Variants in FAT3 observed in about 807,000 individuals in gnomAD.
FAT3 encodes protocadherin Fat 3.
In FAT3, 95 loss-of-function variants were observed where a neutral mutation model predicts 310.2. The ratio of observed to expected loss-of-function variants is 0.31; its 90% CI spans 0.26 to 0.36. The LOEUF (loss-of-function observed/expected upper bound fraction) is 0.36, where lower values mean the gene tolerates loss of function less well. Ranked by LOEUF, FAT3 falls within the 10% of genes least tolerant of loss-of-function variation. The pLI, the probability that FAT3 is intolerant of heterozygous loss-of-function variation, is 1.00. For synonymous variants in FAT3, 2,314 were observed against 2,192.9 expected (o/e 1.06, Z -1.54); for missense variants, 5,408 against 5,715.6 (o/e 0.95, Z 1.74).
At chr11:92,601,703 G>A (rs550155424) in intron 3 of FAT3, among the ~76,000 whole-genome samples, 2 of 152,286 alleles carry the variant, frequency 1.3e-5, no homozygotes, top group East Asian at 3.9e-4. Flanking sequence ...GCATAAATGT[G>A]TGGAATTTTA....
At chr11:92,695,019 G>A (rs567038) in intron 3 of FAT3, among the ~76,000 whole-genome samples, 21,479 of 152,116 alleles carry the variant, frequency 0.14, 1,638 homozygotes, top group Non-Finnish European at 0.16. Flanking sequence ...GACTCAGAGC[G>A]ATGTGCTGCC....
intron 2 of FAT3, among the ~76,000 whole-genome samples, chr11:92,452,856 C>T (rs1951397039): frequency 6.6e-6 from 1 of 152,096 alleles, no homozygotes; most frequent in African/African-American, 2.4e-5. Flanking sequence ...TTGACCTTCT[C>T]CCCACAACCT....
intron 1 of FAT3, among the ~76,000 whole-genome samples, chr11:92,269,951 C>A (rs1055625064): frequency 6.6e-6 from 1 of 152,004 alleles, no homozygotes; most frequent in African/African-American, 2.4e-5. Flanking sequence ...TTTTTAAATG[C>A]GTTAAGTTAT....
At chr11:92,744,257 T>C (rs1945587673) in intron 4 of FAT3, among the ~76,000 whole-genome samples, 1 of 152,214 alleles carries the variant, frequency 6.6e-6, no homozygotes, top group African/African-American at 2.4e-5. Flanking sequence ...TCATAATACC[T>C]AGAGAAGGAA....
At chr11:92,505,919 C>T (rs1309638924) in intron 2 of FAT3, among the ~76,000 whole-genome samples, 1 of 152,110 alleles carries the variant, frequency 6.6e-6, no homozygotes, top group Non-Finnish European at 1.5e-5. Context: ...GAAGGATCCT[C>T]TCTGCCCTGG....
At chr11:92,243,945 G>A (rs1841032) in intron 1 of FAT3, among the ~76,000 whole-genome samples, 96,877 of 151,942 alleles carry the variant, frequency 0.64, 31,965 homozygotes, top group African/African-American at 0.82. Context: ...AAGAACATCC[G>A]AATAAATTTA....
chr11:92,226,948 G>A (rs1271008074), intron 1 of FAT3, among the ~76,000 whole-genome samples: 1 of 152,118 alleles, frequency 6.6e-6, no homozygotes, highest in African/African-American at 2.4e-5. Context: ...TGTTTTCCAA[G>A]TTGGATCCCA....
intron 3 of FAT3, among the ~76,000 whole-genome samples, chr11:92,553,296 A>T (rs1954885186): frequency 6.6e-6 from 1 of 152,212 alleles, no homozygotes; most frequent in Non-Finnish European, 1.5e-5. Context: ...AAGTAATAAT[A>T]AGCCCAATAT....
chr11:92,716,753 CTATGATGTAGAAATGGAATCTAAAG>C (rs1944702681), intron 4 of FAT3, among the ~76,000 whole-genome samples: 1 of 152,096 alleles, frequency 6.6e-6, no homozygotes, highest in Non-Finnish European at 1.5e-5. Flanking sequence ...AGCCTAATTG[CTATGATGTAGAAATGGAATCTAAAG>C]AGAGATTCAT....
intron 2 of FAT3, among the ~76,000 whole-genome samples, chr11:92,455,151 A>G (rs1026242537): frequency 1.3e-5 from 2 of 152,206 alleles, no homozygotes; most frequent in Non-Finnish European, 2.9e-5. Context: ...ATATCCCTGA[A>G]TATTTTTGAC....
At chr11:92,442,683 A>G (rs961436310) in intron 2 of FAT3, among the ~76,000 whole-genome samples, 5 of 152,078 alleles carry the variant, frequency 3.3e-5, no homozygotes, top group African/African-American at 9.7e-5. Context: ...ATCTGCCTGA[A>G]TTGAATGTGC....
intron 1 of FAT3, among the ~76,000 whole-genome samples, chr11:92,228,415 C>T (rs1452086996): frequency 6.6e-6 from 1 of 152,154 alleles, no homozygotes; most frequent in Non-Finnish European, 1.5e-5. Context: ...TGGATACCCA[C>T]TGACCTGTAT....
intron 13 of FAT3, among the ~76,000 whole-genome samples, chr11:92,827,485 T>C (rs1381759361): frequency 6.6e-6 from 1 of 152,228 alleles, no homozygotes; most frequent in African/African-American, 2.4e-5. Context: ...CGAAGTGACT[T>C]GCCCAAGGAC....
intron 13 of FAT3, among the ~76,000 whole-genome samples, chr11:92,822,079 C>T (rs1007663646): frequency 6.6e-6 from 1 of 152,060 alleles, no homozygotes; most frequent in Non-Finnish European, 1.5e-5. Flanking sequence ...CTTTGACACA[C>T]GTAAGTTCTT....
At chr11:92,336,239 G>C in intron 1 of FAT3, 1 of 562,348 alleles carries the variant, frequency 1.8e-6, no homozygotes, top group Non-Finnish European at 3.6e-6. Context: ...CAACTCACAT[G>C]TTCCAGATGT....
At chr11:92,276,359 G>A (rs534160468) in intron 1 of FAT3, among the ~76,000 whole-genome samples, 1 of 152,248 alleles carries the variant, frequency 6.6e-6, no homozygotes, top group South Asian at 2.1e-4. Flanking sequence ...CTTGGTACAT[G>A]AGGTGGAAAG....
intron 19 of FAT3, among the ~76,000 whole-genome samples, chr11:92,849,153 A>G (rs1176859933): frequency 2.0e-5 from 3 of 152,218 alleles, no homozygotes; most frequent in Admixed American, 2.0e-4. Flanking sequence ...ACTCACTCAG[A>G]ATCACAGAGC....
intron 3 of FAT3, among the ~76,000 whole-genome samples, chr11:92,542,832 C>G (rs1269335087): frequency 6.6e-6 from 1 of 151,894 alleles, no homozygotes; most frequent in Non-Finnish European, 1.5e-5. Context: ...GGATAGATAT[C>G]CAAGAGAAAT....
At chr11:92,326,396 C>T (rs552106639) in intron 1 of FAT3, among the ~76,000 whole-genome samples, 3 of 152,304 alleles carry the variant, frequency 2.0e-5, no homozygotes, top group Non-Finnish European at 2.9e-5. Flanking sequence ...GAATTAAAAA[C>T]CAGGGAAAGA....
Sources: gnomAD v4.1 joint callset for allele counts (sites outside exome capture counted in the v4.1 genomes callset) on GRCh38, gnomAD v4.1.1 for gene constraint, MANE v1.5 for transcripts, NCBI Gene and HGNC (gene_info 2026-07-23, HGNC 2026-07-21) for gene names.